The following RNF38 variants were observed in gnomAD, a reference collection of about 807,000 sequenced individuals.
RNF38 encodes the protein E3 ubiquitin-protein ligase RNF38.
Under a neutral mutation model 67.2 loss-of-function variants are expected in RNF38, and 15 were observed. The ratio of observed to expected loss-of-function variants is 0.22; its 90% CI spans 0.15 to 0.34. RNF38 has a LOEUF of 0.34. Among genes scored for constraint, RNF38 ranks in the 10% least tolerant of loss-of-function variants. The pLI, the probability that RNF38 is intolerant of heterozygous loss-of-function variation, is 1.00. For missense variants in RNF38, 524 were observed against 639.9 expected (o/e 0.82, Z 1.95); for synonymous variants, 220 against 218.8 (o/e 1.01, Z -0.05).
intron 9 of RNF38, among the ~76,000 whole-genome samples, chr9:36,346,927 G>A (rs1048251287): frequency 7.2e-5 from 11 of 151,900 alleles, no homozygotes; most frequent in African/African-American, 2.4e-4. Flanking sequence ...AGACCCACCT[G>A]GTCAACACGG....
At chr9:36,354,046 A>C (rs1352142046) in intron 6 of RNF38, among the ~76,000 whole-genome samples, 1 of 152,224 alleles carries the variant, frequency 6.6e-6, no homozygotes, top group African/African-American at 2.4e-5. Context: ...TGATAAAAGG[A>C]ATTCAACTGA....
chr9:36,388,630 T>TG (rs1052030758), intron 2 of RNF38, among the ~76,000 whole-genome samples: 38 of 152,142 alleles, frequency 2.5e-4, no homozygotes, highest in South Asian at 8.3e-4. Flanking sequence ...ATGCTTGGTG[T>TG]GGGGGGTGGT....
At chr9:36,400,800 G>C, upstream of RNF38, 1 of 985,348 alleles carries the variant, frequency 1.0e-6, no homozygotes, top group Non-Finnish European at 1.2e-6. Flanking sequence ...GTCGCCTAAC[G>C]CCTCGGAGGC....
intron 1 of RNF38, among the ~76,000 whole-genome samples, chr9:36,432,547 T>C (rs1333148731): frequency 6.6e-6 from 1 of 151,974 alleles, no homozygotes; most frequent in African/African-American, 2.4e-5. Context: ...TCCCAGCGCT[T>C]TGGGAGGCAG....
chr9:36,363,588 T>C (rs1834722707), intron 4 of RNF38, among the ~76,000 whole-genome samples: 1 of 101,030 alleles, frequency 9.9e-6, no homozygotes, highest in Non-Finnish European at 2.6e-5. Flanking sequence ...GCCATGTATA[T>C]ATACTCATGC....
chr9:36,425,483 T>G (rs1838744957), intron 1 of RNF38, among the ~76,000 whole-genome samples: 3 of 152,086 alleles, frequency 2.0e-5, no homozygotes, highest in Admixed American at 2.0e-4. Flanking sequence ...CACCCGAGGT[T>G]AGGAATTTGA....
intron 2 of RNF38, among the ~76,000 whole-genome samples, chr9:36,376,658 G>A (rs1242013140): frequency 6.6e-6 from 1 of 152,044 alleles, no homozygotes; most frequent in Non-Finnish European, 1.5e-5. Flanking sequence ...GGGCACAGTG[G>A]CTCACACCTG....
chr9:36,471,994 G>C (rs1269502439), intron 1 of RNF38, among the ~76,000 whole-genome samples: 1 of 152,038 alleles, frequency 6.6e-6, no homozygotes, highest in Non-Finnish European at 1.5e-5. Context: ...AATAATGGTA[G>C]CTTTTACTTG....
At chr9:36,419,731 G>C (rs1013217341) in intron 2 of RNF38, among the ~76,000 whole-genome samples, 2 of 152,122 alleles carry the variant, frequency 1.3e-5, no homozygotes, top group East Asian at 1.9e-4. Context: ...GCTGAGGTGG[G>C]AGAATCCCTT....
rs371066317 is a variant in RNF38, at chr9:36,386,129, G to A, written c.162+4338C>T. 4.4e-4 allele frequency among the ~76,000 whole-genome samples: 67 copies of A among 152,242 alleles called. No individual in the cohort carries two copies. In the South Asian group the frequency reaches 0.011, roughly 24 times the overall value. On this transcript the variant is annotated intron_variant, in intron 2 of 11. Coordinates refer to ENST00000259605, the MANE Select transcript of RNF38 (RefSeq NM_022781.5). The stretch of plus-strand genomic sequence containing the variant: ...TAAAGATGTGTTTGGGCCTAACTAC[G>A]ATGATTTAAAATTCACGGTCTGAAA...
At chr9:36,378,169 C>CT (rs35057784) in intron 2 of RNF38, among the ~76,000 whole-genome samples, 5,641 of 114,964 alleles carry the variant, frequency 0.049, 262 homozygotes, top group East Asian at 0.083. Context: ...TTAACACTGA[C>CT]TTTTTTTTTT....
chr9:36,452,227 A>T (rs1839468486), intron 1 of RNF38, among the ~76,000 whole-genome samples: 2 of 151,344 alleles, frequency 1.3e-5, no homozygotes, highest in Admixed American at 6.6e-5. Context: ...TGATGTCTTT[A>T]AAAAAACTTT....
At position 36,437,258 on chromosome 9, in the gene RNF38, T is replaced by C. The variant is rs555319160; in HGVS notation, n.242-12575A>G. On this transcript the variant is annotated intron_variant and non_coding_transcript_variant, in intron 1 of 3. Coordinates refer to the RNF38 transcript ENST00000488058. ...CAGTCATACAATGTATTTGGTTTTG[T>C]CTCAACATATCTTACAATTAAAATA... Among the ~76,000 whole-genome samples, 20 of 152,354 alleles carry C rather than the reference T, an allele frequency of 1.3e-4. No individual in the cohort carries two copies. In the East Asian group the frequency reaches 3.7e-3, roughly 28 times the overall value.
intron 1 of RNF38, among the ~76,000 whole-genome samples, chr9:36,452,884 T>C (rs921272432): frequency 3.9e-5 from 6 of 152,162 alleles, no homozygotes; most frequent in African/African-American, 1.4e-4. Flanking sequence ...GCATACTAAT[T>C]TTTGTTTATT....
chr9:36,344,924 T>C lies in RNF38; in HGVS notation c.1293A>G (p.Gly431=), dbSNP rs994360238. 1 of 1,613,618 alleles carries C rather than the reference T, an allele frequency of 6.2e-7. No homozygotes were observed. Among genetic ancestry groups the C allele is most frequent in the Non-Finnish European group, 8.5e-7 (1 of 1,179,664 alleles). The change falls in exon 10 of 12, where the codon GGA becomes GGG. Residue 431 remains glycine (G), a synonymous_variant. Transcript: ENST00000259605. ...TAGTCAGTCCACGAGGCTTTGCCTCTCCCAGTCGCTCTGCCAGGTTTAACA... is the reference window on the plus strand; with the variant it reads ...TAGTCAGTCCACGAGGCTTTGCCTCCCCCAGTCGCTCTGCCAGGTTTAACA... ...EALLNLAERL[G]EAKPRGLTKA...
intron 2 of RNF38, among the ~76,000 whole-genome samples, chr9:36,389,361 C>T (rs976944836): frequency 6.9e-6 from 1 of 145,568 alleles, no homozygotes; most frequent in African/African-American, 2.5e-5. Flanking sequence ...AAAAAAAAAA[C>T]CCTTTTTATT....
chr9:36,434,107 G>C (rs1333714545), intron 1 of RNF38, among the ~76,000 whole-genome samples: 1 of 150,586 alleles, frequency 6.6e-6, no homozygotes, highest in Non-Finnish European at 1.5e-5. Context: ...GTGGTGGCAC[G>C]CGCCCATAAT....
intron 1 of RNF38, among the ~76,000 whole-genome samples, chr9:36,477,117 T>C (rs1207246223): frequency 6.8e-6 from 1 of 146,578 alleles, no homozygotes; most frequent in Non-Finnish European, 1.5e-5. Flanking sequence ...AGGTCAGGAG[T>C]TCAAGACCAG....
rs183303684 is a variant in RNF38 at position 36,339,880 on chromosome 9, G to C, written c.1486-66C>G. ...TACAATGAAACACATTCAAAGCAAT[G>C]GAACTACTTTTACTTCCCACAGTTT... On this transcript the variant is annotated intron_variant, in intron 11 of 11. Transcript: ENST00000259605. The C allele has an allele frequency of 3.1e-6, 4 of 1,270,488 alleles. No homozygotes were observed. The East Asian group carries it at 9.8e-5, about 31-fold the overall frequency. 78.7% of individuals were successfully genotyped at this position (1,270,488 alleles called of 1,614,324 possible).
Sources: allele counts gnomAD v4.1 joint callset (sites outside exome capture counted in the v4.1 genomes callset), GRCh38; gene constraint gnomAD v4.1.1; transcripts MANE v1.5; gene names NCBI Gene and HGNC (gene_info 2026-07-23, HGNC 2026-07-21).